ZNF469: variants seen among roughly 807,000 people sequenced by gnomAD.
ZNF469 encodes the protein zinc finger protein 469.
A neutral mutation model predicts 1.0 loss-of-function variants in ZNF469; 1 was observed. The ratio of observed to expected loss-of-function variants is 1.00; its 90% CI spans 0.35 to 4.73. The LOEUF is 4.73. ZNF469 is among the 30% of genes most tolerant of loss of function. The probability of loss-of-function intolerance (pLI) is 0.16; values close to 1 mark genes in which losing one functional copy is unlikely to be tolerated. For missense variants in ZNF469, 6,100 were observed against 5,356.3 expected, an observed-to-expected ratio of 1.14 and a Z score of -4.33; for synonymous variants, 2,703 against 2,363.4, an observed-to-expected ratio of 1.14 and a Z score of -4.17.
At chr16:88,349,345 C>T in the ZNF469 span, among the ~76,000 whole-genome samples, 1 of 151,754 alleles carries the variant, frequency 6.6e-6, no homozygotes, top group East Asian at 1.9e-4. Flanking sequence ...CACCACACAC[C>T]ACACACAAGT....
the ZNF469 span, among the ~76,000 whole-genome samples, chr16:88,128,134 G>A: frequency 6.6e-6 from 1 of 152,264 alleles, no homozygotes; most frequent in Non-Finnish European, 1.5e-5. Flanking sequence ...GGCAGCTGTT[G>A]GGTGACCCAG....
At chr16:88,271,283 G>A in the ZNF469 span, among the ~76,000 whole-genome samples, 3 of 139,794 alleles carry the variant, frequency 2.1e-5, no homozygotes, top group East Asian at 2.3e-4. Context: ...GACAAAGTAC[G>A]TGGGAATGTG....
chr16:88,340,023 G>T, the ZNF469 span, among the ~76,000 whole-genome samples: 1 of 152,050 alleles, frequency 6.6e-6, no homozygotes, highest in Non-Finnish European at 1.5e-5. Context: ...GCAGGGGACA[G>T]GTGCAATATT....
At chr16:88,380,022 C>T (rs1200809085), upstream of ZNF469, among the ~76,000 whole-genome samples, 1 of 152,152 alleles carries the variant, frequency 6.6e-6, no homozygotes, top group Non-Finnish European at 1.5e-5. Context: ...AGGAAAAGAA[C>T]TTGTGTGCAT....
chr16:88,148,926 C>T, the ZNF469 span, among the ~76,000 whole-genome samples: 2 of 152,194 alleles, frequency 1.3e-5, no homozygotes, highest in Non-Finnish European at 1.5e-5. Context: ...GTGCCTGGCA[C>T]GTGGCAGGTG....
chr16:88,284,483 C>T, the ZNF469 span, among the ~76,000 whole-genome samples: 2 of 152,060 alleles, frequency 1.3e-5, no homozygotes, highest in Non-Finnish European at 2.9e-5. Context: ...TTAGCTAGGC[C>T]TGGTGTAATC....
the ZNF469 span, among the ~76,000 whole-genome samples, chr16:88,325,425 A>G: frequency 6.6e-6 from 1 of 152,214 alleles, no homozygotes; most frequent in Middle Eastern, 3.2e-3. Flanking sequence ...ACTCTTCCCA[A>G]TTCATGCCTG....
the ZNF469 span, among the ~76,000 whole-genome samples, chr16:88,128,806 C>G: frequency 6.6e-6 from 1 of 152,210 alleles, no homozygotes; most frequent in African/African-American, 2.4e-5. Flanking sequence ...ACAGAGCATC[C>G]CAGGGGCTCT....
At chr16:88,221,652 A>C in the ZNF469 span, among the ~76,000 whole-genome samples, 6 of 152,186 alleles carry the variant, frequency 3.9e-5, no homozygotes, top group Admixed American at 3.9e-4. Flanking sequence ...ATGCATCCCC[A>C]GGGGTCCTGT....
the ZNF469 span, among the ~76,000 whole-genome samples, chr16:88,239,666 TGTATATATATATATATATATA>T: frequency 6.7e-4 from 27 of 40,590 alleles, 1 homozygote; most frequent in Non-Finnish European, 8.5e-4. Context: ...TTTTTTTTTT[TGTATATATATATATATATATA>T]TATATATATA....
At chr16:88,217,995 T>G in the ZNF469 span, among the ~76,000 whole-genome samples, 4 of 98,502 alleles carry the variant, frequency 4.1e-5, no homozygotes, top group African/African-American at 1.4e-4. Flanking sequence ...TTTCCAGTTC[T>G]AGATCCCTGA....
At chr16:88,343,170 C>T in the ZNF469 span, among the ~76,000 whole-genome samples, 3 of 149,158 alleles carry the variant, frequency 2.0e-5, no homozygotes, top group African/African-American at 7.6e-5. Context: ...GCTCCTGGGT[C>T]CGTGGTAGCC....
chr16:88,392,870 C>T (rs1463166116), intron 1 of ZNF469, among the ~76,000 whole-genome samples: 1 of 152,266 alleles, frequency 6.6e-6, no homozygotes, highest in Non-Finnish European at 1.5e-5. Flanking sequence ...CCCCAACCTC[C>T]CTTGCTCCTT....
At position 88,438,372 on chromosome 16, in the gene ZNF469, C is replaced by T; in HGVS notation, c.10902C>T (p.Ala3634=). Residue 3634 remains alanine (A), a synonymous_variant, in exon 3 of 3, where the codon GCC becomes GCT. Transcript: ENST00000565624. ...CCCCGGGTGCCCGTGGCAGGTGTGC[C>T]CCTGACCATTTCCAGGAAGACCACC... is the stretch of plus-strand genomic sequence containing the variant. ...RRAPGARGRC[A]PDHFQEDHLL... The T allele has an allele frequency of 1.0e-5, 16 of 1,550,052 alleles. No homozygotes were observed. Among genetic ancestry groups the T allele is most frequent in the Non-Finnish European group, 7.8e-6 (9 of 1,146,958 alleles).
At chr16:88,217,673 T>C in the ZNF469 span, among the ~76,000 whole-genome samples, 3 of 115,344 alleles carry the variant, frequency 2.6e-5, no homozygotes, top group East Asian at 2.7e-4. Context: ...TTCCCACCTA[T>C]GAGTGAGAAT....
chr16:88,403,169 C>T (rs1904932311), intron 1 of ZNF469, among the ~76,000 whole-genome samples: 1 of 152,174 alleles, frequency 6.6e-6, no homozygotes, highest in South Asian at 2.1e-4. Flanking sequence ...GGCCAGTGGC[C>T]GTGCTGGATG....
At chr16:88,391,869 T>C (rs1005590254) in intron 1 of ZNF469, among the ~76,000 whole-genome samples, 1 of 152,202 alleles carries the variant, frequency 6.6e-6, no homozygotes, top group Non-Finnish European at 1.5e-5. Context: ...AGCTCACCAA[T>C]AGAAATAGCT....
chr16:88,146,961 A>C, the ZNF469 span, among the ~76,000 whole-genome samples: 5 of 151,918 alleles, frequency 3.3e-5, no homozygotes, highest in Non-Finnish European at 7.4e-5. Flanking sequence ...GCTCAGAGAA[A>C]CTGTCCCCAC....
At position 88,438,224 on chromosome 16, in the gene ZNF469, G is replaced by A. The variant is rs1320901091; in HGVS notation, c.10754G>A (p.Gly3585Asp). ...AGGCCAGAGAACGAGGCTTCCCCAG[G>A]CAGCCCCGGGCCTCTTCTCCAGCAA... is the stretch of plus-strand genomic sequence containing the variant. The part of the protein sequence containing the change: ...LERPENEASP[G>D]SPGPLLQQAL... The change falls in exon 3 of 3, where the codon GGC (glycine) becomes GAC (aspartate). Residue 3585 changes from glycine to aspartate, a missense_variant. Coordinates refer to ENST00000565624, the MANE Select transcript of ZNF469 (RefSeq NM_001367624.2). 1 of 1,546,372 alleles carries A rather than the reference G, an allele frequency of 6.5e-7. No homozygotes were observed. Among genetic ancestry groups the A allele is most frequent in the South Asian group, 1.2e-5 (1 of 83,930 alleles).
Sources: allele counts gnomAD v4.1 joint callset (sites outside exome capture counted in the v4.1 genomes callset), GRCh38; gene constraint gnomAD v4.1.1; transcripts MANE v1.5; gene names NCBI Gene and HGNC (gene_info 2026-07-23, HGNC 2026-07-21).